The following ZPBP variants were observed in gnomAD, a reference collection of about 807,000 sequenced individuals.
ZPBP encodes the protein zona pellucida-binding protein 1.
ZPBP carries 26 observed loss-of-function variants against 44.8 expected under a neutral mutation model. The observed-to-expected ratio is 0.58, with a 90% confidence interval of 0.43 to 0.81. The LOEUF (loss-of-function observed/expected upper bound fraction) is 0.81, where lower values mean the gene tolerates loss of function less well. Among genes scored for constraint, ZPBP ranks in the 30% least tolerant of loss-of-function variants. The pLI is 0.00. For missense variants in ZPBP, 409 were observed against 434.0 expected, an observed-to-expected ratio of 0.94 and a Z score of 0.51; for synonymous variants, 174 against 153.2, an observed-to-expected ratio of 1.14 and a Z score of -1.00.
intron 5 of ZPBP, among the ~76,000 whole-genome samples, chr7:50,023,700 T>C (rs1408324795): frequency 1.3e-5 from 2 of 152,074 alleles, no homozygotes; most frequent in Non-Finnish European, 2.9e-5. Flanking sequence ...TTGGGAATTA[T>C]GGTACAGAAA....
intron 1 of ZPBP, among the ~76,000 whole-genome samples, chr7:49,905,324 C>T (rs983288190): frequency 1.3e-5 from 2 of 152,206 alleles, no homozygotes; most frequent in Non-Finnish European, 1.5e-5. Flanking sequence ...ATCTCCACCA[C>T]AGCAGCCACT....
intron 2 of ZPBP, among the ~76,000 whole-genome samples, chr7:49,860,673 C>A (rs572960849): frequency 6.6e-6 from 1 of 152,262 alleles, no homozygotes; most frequent in East Asian, 1.9e-4. Context: ...TGAATTATTT[C>A]CCCCAAAATT....
intron 3 of ZPBP, among the ~76,000 whole-genome samples, chr7:50,064,596 T>C (rs1801411425): frequency 6.6e-6 from 1 of 152,216 alleles, no homozygotes; most frequent in Non-Finnish European, 1.5e-5. Flanking sequence ...GGATGTTCCA[T>C]GCTGAGAAAA....
intron 1 of ZPBP, among the ~76,000 whole-genome samples, chr7:49,923,250 T>C (rs936510248): frequency 6.6e-6 from 1 of 152,008 alleles, no homozygotes; most frequent in Non-Finnish European, 1.5e-5. Flanking sequence ...AATTCCCAAG[T>C]AGCAGCACTA....
At chr7:49,939,372 G>A (rs536797941) in intron 7 of ZPBP, among the ~76,000 whole-genome samples, 8 of 152,152 alleles carry the variant, frequency 5.3e-5, no homozygotes, top group African/African-American at 1.2e-4. Flanking sequence ...TTAATAAACC[G>A]TCACAGTATG....
intron 7 of ZPBP, among the ~76,000 whole-genome samples, chr7:49,957,086 GTCTCTGTTTCTC>G (rs1795633064): frequency 6.6e-6 from 1 of 152,070 alleles, no homozygotes; most frequent in South Asian, 2.1e-4. Flanking sequence ...TGGCCCCTTT[GTCTCTGTTTCTC>G]TCTCTGTCTC....
intron 3 of ZPBP, among the ~76,000 whole-genome samples, chr7:50,076,251 G>A (rs1285985155): frequency 6.6e-6 from 1 of 151,778 alleles, no homozygotes; most frequent in Non-Finnish European, 1.5e-5. Flanking sequence ...AAAAAACTGA[G>A]TATAGAAGGA....
chr7:49,999,972 G>A (rs1798024088), intron 6 of ZPBP, among the ~76,000 whole-genome samples: 1 of 152,096 alleles, frequency 6.6e-6, no homozygotes, highest in Non-Finnish European at 1.5e-5. Context: ...TGATGTGCTT[G>A]ATGTACACAG....
chr7:49,851,515 A>C (rs1482767726), intron 2 of ZPBP, among the ~76,000 whole-genome samples: 2 of 152,164 alleles, frequency 1.3e-5, no homozygotes, highest in African/African-American at 4.8e-5. Flanking sequence ...GTGCCACATC[A>C]CAGTGTGTGA....
intron 3 of ZPBP, among the ~76,000 whole-genome samples, chr7:50,060,669 A>G (rs1459033750): frequency 2.6e-5 from 4 of 152,152 alleles, no homozygotes; most frequent in Non-Finnish European, 4.4e-5. Context: ...AACCATAATC[A>G]AAAACCTACC....
chr7:49,974,310 C>T (rs1180335467), intron 7 of ZPBP, among the ~76,000 whole-genome samples: 1 of 151,004 alleles, frequency 6.6e-6, no homozygotes, highest in African/African-American at 2.4e-5. Flanking sequence ...CATAATTTAC[C>T]AATAAAAAAA....
chr7:49,980,625 G>C (rs1455276497), intron 7 of ZPBP, among the ~76,000 whole-genome samples: 1 of 151,902 alleles, frequency 6.6e-6, no homozygotes, highest in Non-Finnish European at 1.5e-5. Context: ...AAGCCAGAGA[G>C]GGGGGCAGGT....
chr7:49,930,649 T>C (rs754437169), intron 1 of ZPBP, among the ~76,000 whole-genome samples: 1 of 152,174 alleles, frequency 6.6e-6, no homozygotes, highest in African/African-American at 2.4e-5. Context: ...TAGAAATTGG[T>C]ATAATCCTTA....
chr7:49,974,963 AG>A (rs1205995073), intron 7 of ZPBP, among the ~76,000 whole-genome samples: 2 of 152,032 alleles, frequency 1.3e-5, no homozygotes, highest in Non-Finnish European at 2.9e-5. Flanking sequence ...TCCACAGCCT[AG>A]TGAGCAGTTG....
intron 7 of ZPBP, among the ~76,000 whole-genome samples, chr7:49,980,076 A>G (rs1311053790): frequency 8.3e-5 from 1 of 12,070 alleles, no homozygotes; most frequent in Non-Finnish European, 1.6e-4. Flanking sequence ...ATTATAATAT[A>G]TATAATATAA....
At position 50,021,102 on chromosome 7, in the gene ZPBP, C is replaced by CA. The variant is rs530474080; in HGVS notation, c.707-2787dup. 4.9e-3 allele frequency among the ~76,000 whole-genome samples: 736 copies of CA among 151,144 alleles called. 4 individuals carry two copies. The highest frequency in any genetic ancestry group is 0.016 in the African/African-American group (675 of 41,256). On this transcript the variant is annotated intron_variant, in intron 5 of 7. Coordinates refer to ENST00000046087, the MANE Select transcript of ZPBP (RefSeq NM_007009.3). ...ACAATATTTTAAAATGCAAAGTTTTCAAAAAAAATAGTAGTTATATAAAGA... is the reference window on the plus strand; with the variant it reads ...ACAATATTTTAAAATGCAAAGTTTTCAAAAAAAAATAGTAGTTATATAAAGA...
At chr7:49,957,982 G>A (rs1795685209) in intron 7 of ZPBP, among the ~76,000 whole-genome samples, 1 of 152,192 alleles carries the variant, frequency 6.6e-6, no homozygotes, top group African/African-American at 2.4e-5. Flanking sequence ...GCAGGACAAG[G>A]GGTCAAGGAA....
At chr7:50,061,298 G>T (rs566600501) in intron 3 of ZPBP, among the ~76,000 whole-genome samples, 1 of 152,144 alleles carries the variant, frequency 6.6e-6, no homozygotes. Flanking sequence ...CATAGTTCTG[G>T]AAGTTCAAAC....
At chr7:50,087,862 T>C (rs1802747216) in intron 2 of ZPBP, among the ~76,000 whole-genome samples, 1 of 152,032 alleles carries the variant, frequency 6.6e-6, no homozygotes, top group Non-Finnish European at 1.5e-5. Context: ...ACTCCTAAAA[T>C]TGATCTACAG....
Sources: allele counts gnomAD v4.1 joint callset (sites outside exome capture counted in the v4.1 genomes callset), GRCh38; gene constraint gnomAD v4.1.1; transcripts MANE v1.5; gene names NCBI Gene and HGNC (gene_info 2026-07-23, HGNC 2026-07-21).